The following HCRTR2 variants were observed in gnomAD, a reference collection of about 807,000 sequenced individuals.
HCRTR2 encodes hypocretin receptor 2.
Under a neutral mutation model 49.0 loss-of-function variants are expected in HCRTR2, and 22 were observed. The observed-to-expected ratio is 0.45, with a 90% confidence interval of 0.32 to 0.64. HCRTR2 has a LOEUF of 0.64. HCRTR2 is among the 30% of genes least tolerant of loss of function. The pLI, the probability that HCRTR2 is intolerant of heterozygous loss-of-function variation, is 0.04. For synonymous variants in HCRTR2, 236 were observed against 205.3 expected, an observed-to-expected ratio of 1.15 and a Z score of -1.28; for missense variants, 491 against 559.4, an observed-to-expected ratio of 0.88 and a Z score of 1.23.
At chr6:55,133,694 T>TATCTATC (rs1554167221) in intron 1 of HCRTR2, among the ~76,000 whole-genome samples, 1 of 149,982 alleles carries the variant, frequency 6.7e-6, no homozygotes, top group Non-Finnish European at 1.5e-5. Context: ...TCTATCTATC[T>TATCTATC]ATCTATCTAT....
At chr6:55,114,650 A>G (rs1282686819) in intron 1 of HCRTR2, among the ~76,000 whole-genome samples, 1 of 151,892 alleles carries the variant, frequency 6.6e-6, no homozygotes, top group Non-Finnish European at 1.5e-5. Flanking sequence ...TGCTGTCTAT[A>G]CAATAGTTGC....
intron 1 of HCRTR2, chr6:55,106,567 CT>C (rs1284956796): frequency 6.6e-6 from 1 of 151,954 alleles, no homozygotes; most frequent in Non-Finnish European, 1.5e-5. Flanking sequence ...AATTCATTTA[CT>C]CTATATTTTT....
intron 1 of HCRTR2, among the ~76,000 whole-genome samples, chr6:55,205,544 G>A (rs927630048): frequency 2.6e-5 from 4 of 152,066 alleles, no homozygotes; most frequent in Non-Finnish European, 2.9e-5. Context: ...ATAGAAAGAT[G>A]CAGAAAGTAA....
At chr6:55,181,161 T>C (rs1383045627) in intron 1 of HCRTR2, among the ~76,000 whole-genome samples, 1 of 66,586 alleles carries the variant, frequency 1.5e-5, no homozygotes, top group African/African-American at 4.6e-5. Context: ...AATAATATAT[T>C]ATATGTATGA....
intron 1 of HCRTR2, among the ~76,000 whole-genome samples, chr6:55,229,638 A>G (rs1766077047): frequency 1.3e-5 from 2 of 152,198 alleles, no homozygotes; most frequent in Non-Finnish European, 2.9e-5. Context: ...CAGGTATAGA[A>G]GGACAATTAT....
At chr6:55,145,987 T>G (rs1441660747) in intron 1 of HCRTR2, among the ~76,000 whole-genome samples, 1 of 152,142 alleles carries the variant, frequency 6.6e-6, no homozygotes, top group Non-Finnish European at 1.5e-5. Flanking sequence ...TGATAGCACT[T>G]TGTTTTCCAT....
chr6:55,212,233 A>G (rs1170247140), intron 1 of HCRTR2, among the ~76,000 whole-genome samples: 1 of 151,890 alleles, frequency 6.6e-6, no homozygotes, highest in Non-Finnish European at 1.5e-5. Flanking sequence ...TTAGAGTGAC[A>G]GAAGGAATTT....
intron 1 of HCRTR2, among the ~76,000 whole-genome samples, chr6:55,112,591 A>T (rs1764063901): frequency 6.6e-6 from 1 of 151,310 alleles, no homozygotes; most frequent in African/African-American, 2.4e-5. Flanking sequence ...CTAACCAAGG[A>T]GGTGAAATAC....
At chr6:55,131,971 T>G (rs1396914604) in intron 1 of HCRTR2, among the ~76,000 whole-genome samples, 4 of 151,756 alleles carry the variant, frequency 2.6e-5, no homozygotes, top group Non-Finnish European at 3.0e-5. Context: ...GGGGCAAAAA[T>G]GACAGAATAA....
At chr6:55,215,499 T>C (rs1020130312) in intron 1 of HCRTR2, among the ~76,000 whole-genome samples, 1 of 152,086 alleles carries the variant, frequency 6.6e-6, no homozygotes, top group Non-Finnish European at 1.5e-5. Flanking sequence ...ATAAAGCTCA[T>C]TGGTCAAAGA....
chr6:55,133,691 A>T (rs1173518181), intron 1 of HCRTR2, among the ~76,000 whole-genome samples: 1 of 149,852 alleles, frequency 6.7e-6, no homozygotes, highest in East Asian at 1.9e-4. Flanking sequence ...CTATCTATCT[A>T]TCTATCTATC....
chr6:55,210,293 G>A (rs1219459305), intron 1 of HCRTR2, among the ~76,000 whole-genome samples: 1 of 152,116 alleles, frequency 6.6e-6, no homozygotes, highest in Admixed American at 6.6e-5. Flanking sequence ...GTTTGTTAGT[G>A]TTGGAATAGA....
At chr6:55,244,104 T>G (rs1176069461) in intron 1 of HCRTR2, among the ~76,000 whole-genome samples, 1 of 152,050 alleles carries the variant, frequency 6.6e-6, no homozygotes, top group African/African-American at 2.4e-5. Flanking sequence ...ACTCTGATGC[T>G]CTGTGTATTT....
intron 1 of HCRTR2, among the ~76,000 whole-genome samples, chr6:55,132,657 T>G (rs879611396): frequency 1.3e-5 from 2 of 151,636 alleles, no homozygotes; most frequent in African/African-American, 2.4e-5. Context: ...GCTCTTAAGC[T>G]TAAGGGAAAG....
intron 1 of HCRTR2, among the ~76,000 whole-genome samples, chr6:55,155,777 A>G (rs1422682028): frequency 6.6e-6 from 1 of 152,054 alleles, no homozygotes; most frequent in Non-Finnish European, 1.5e-5. Flanking sequence ...TTTTATTTCA[A>G]TTTAAACTCG....
chr6:55,194,965 CAT>C (rs1198638305), intron 1 of HCRTR2, among the ~76,000 whole-genome samples: 4 of 151,972 alleles, frequency 2.6e-5, no homozygotes, highest in Non-Finnish European at 5.9e-5. Context: ...TGGAGTGACT[CAT>C]ATAAAATATT....
chr6:55,239,616 G>T (rs916685461), intron 1 of HCRTR2, among the ~76,000 whole-genome samples: 2 of 152,050 alleles, frequency 1.3e-5, no homozygotes, highest in African/African-American at 2.4e-5. Flanking sequence ...GGCACCATTG[G>T]TTGACAAAAG....
At chr6:55,124,981 A>ATAG (rs1764253144) in intron 1 of HCRTR2, among the ~76,000 whole-genome samples, 1 of 149,858 alleles carries the variant, frequency 6.7e-6, no homozygotes, top group Non-Finnish European at 1.5e-5. Context: ...AATCCTCCAA[A>ATAG]CCTTTATTTT....
chr6:55,265,268 G>T (rs1766840727), intron 4 of HCRTR2, among the ~76,000 whole-genome samples: 1 of 152,106 alleles, frequency 6.6e-6, no homozygotes, highest in Non-Finnish European at 1.5e-5. Flanking sequence ...ATTTTAGGGT[G>T]TTTGTTACTG....
Sources: gnomAD v4.1 joint callset for allele counts (sites outside exome capture counted in the v4.1 genomes callset) on GRCh38, gnomAD v4.1.1 for gene constraint, MANE v1.5 for transcripts, NCBI Gene and HGNC (gene_info 2026-07-23, HGNC 2026-07-21) for gene names.